IGSF6: variants seen among roughly 807,000 people sequenced by gnomAD.
The protein encoded by IGSF6 is immunoglobulin superfamily member 6.
In IGSF6, 23 loss-of-function variants were observed where a neutral mutation model predicts 24.7. That is an observed-to-expected ratio of 0.93 (90% CI 0.67 to 1.32). IGSF6 has a LOEUF of 1.32. IGSF6 is among the 40% of genes most tolerant of loss of function. The pLI, the probability that IGSF6 is intolerant of heterozygous loss-of-function variation, is 0.00. For synonymous variants in IGSF6, 110 were observed against 113.7 expected (o/e 0.97, Z 0.21); for missense variants, 295 against 293.6 (o/e 1.00, Z -0.04).
chr16:21,643,633 T>C (rs771804081), intron 3 of IGSF6, 35 bp from the exon 4 acceptor site: 2 of 1,435,366 alleles, frequency 1.4e-6, no homozygotes, highest in Admixed American at 3.6e-5. Flanking sequence ...ATGAAACATT[T>C]TATGTACTCA....
In IGSF6 at chr16:21,652,603, G is replaced by A; in HGVS notation, c.-5C>T. 1.9e-6 allele frequency: 3 copies of A among 1,607,172 alleles called. No individual in the cohort carries two copies. The highest frequency in any genetic ancestry group is 2.5e-6 in the Non-Finnish European group (3 of 1,176,504). On this transcript the variant is annotated 5_prime_UTR_variant, in exon 1 of 6. Transcript: ENST00000268389. ...GCTTCTGCTCGCAGTCCCCATTTCT[G>A]TGTATGCCGGGGCGGGTTGGGGTGT...
At chr16:21,643,451 T>C in intron 4 of IGSF6, 97 bp downstream of exon 4, 1 of 791,780 alleles carries the variant, frequency 1.3e-6, no homozygotes. Context: ...TGTTTAAACT[T>C]AACATTTAAA....
intron 2 of IGSF6, 33 bp downstream of exon 2, chr16:21,647,100 A>G (rs775464475): frequency 3.8e-5 from 61 of 1,613,830 alleles, no homozygotes; most frequent in Non-Finnish European, 3.8e-5. Context: ...ACAAGATGCA[A>G]TGATGCACTG....
chr16:21,641,768 G>A (rs1966277532), intron 5 of IGSF6, among the ~76,000 whole-genome samples, 175 bp from the exon 6 acceptor site: 1 of 152,056 alleles, frequency 6.6e-6, no homozygotes, highest in African/African-American at 2.4e-5. Context: ...TAGGATGTGG[G>A]AACTGAAAAA....
chr16:21,652,462 A>G lies in IGSF6; in HGVS notation c.67+70T>C, dbSNP rs3091401. ...AAATTAATCTGAAGGAGCTTAAAAT[A>G]TAAATGCATTAGGTGAAAAATAGCA... is the stretch of plus-strand genomic sequence containing the variant. On this transcript the variant is annotated intron_variant, in intron 1 of 5. Transcript: ENST00000268389. 1,789 of 1,215,632 alleles carry G rather than the reference A, an allele frequency of 1.5e-3. 2 individuals are homozygous for G. Among genetic ancestry groups the G allele is most frequent in the Non-Finnish European group, 1.4e-3 (1,163 of 836,984 alleles). The allele number at this position is 1,215,632 out of a possible 1,614,324, so 75.3% of individuals were successfully genotyped here.
chr16:21,643,168 T>C lies in IGSF6; in HGVS notation c.586-14A>G, dbSNP rs745888169. 43 of 1,580,084 alleles carry C rather than the reference T, an allele frequency of 2.7e-5. 3 individuals are homozygous for C. The highest frequency in any genetic ancestry group is 2.6e-4 in the South Asian group (23 of 90,092). ...AGCACTCTTCTTCTATAAAGACAAATGAGAAAAAAAAATTCTCTTTTGGGA... is the reference window on the plus strand; with the variant it reads ...AGCACTCTTCTTCTATAAAGACAAACGAGAAAAAAAAATTCTCTTTTGGGA... On this transcript the variant is annotated splice_polypyrimidine_tract_variant and intron_variant, in intron 4 of 5. Coordinates refer to ENST00000268389, the MANE Select transcript of IGSF6 (RefSeq NM_005849.4).
At chr16:21,642,059 T>TG in intron 5 of IGSF6, 1 of 152,514 alleles carries the variant, frequency 6.6e-6, no homozygotes, top group Non-Finnish European at 1.5e-5. Context: ...TTTTAGCGCT[T>TG]GCTTTGGCAG....
intron 5 of IGSF6, among the ~76,000 whole-genome samples, 188 bp from the exon 6 acceptor site, chr16:21,641,781 C>CTT: frequency 6.8e-6 from 1 of 147,026 alleles, no homozygotes. Context: ...CTGAAAAATA[C>CTT]TTTTTTTTTT....
In IGSF6 at chr16:21,641,386, T is replaced by A; in HGVS notation, c.*148A>T. The A allele has an allele frequency of 2.1e-6, 1 of 475,298 alleles. No individual in the cohort carries two copies. Among genetic ancestry groups the A allele is most frequent in the Non-Finnish European group, 3.8e-6 (1 of 264,450 alleles). The allele number at this position is 475,298 out of a possible 1,614,324, so 29.4% of individuals were successfully genotyped here. On this transcript the variant is annotated 3_prime_UTR_variant, in exon 6 of 6. Coordinates refer to ENST00000268389, the MANE Select transcript of IGSF6 (RefSeq NM_005849.4). ...TTGGTAATGACTATTAGTTATAGTT[T>A]CCTTACATTCTGACATCCTTCTTTG...
Position 21,647,145 on chromosome 16 carries a change from G to A in IGSF6, c.415C>T (p.Leu139=). The stretch of plus-strand genomic sequence containing the variant: ...CTCGCTGACTGACCTCTTACCACCA[G>A]TGTGGTCCCTCCTCCTGTCTGTTTA... ...RAKQTGGGTT[L]VVREIKLLSK... is the part of the protein sequence containing the mutation. The change falls in exon 2 of 6, where the codon CTG becomes TTG. Residue 139 remains leucine, a synonymous_variant. Coordinates refer to ENST00000268389, the MANE Select transcript of IGSF6 (RefSeq NM_005849.4). 2.5e-6 allele frequency: 4 copies of A among 1,614,142 alleles called. No individual in the cohort carries two copies. The African/African-American group carries it at 5.3e-5, about 22-fold the overall frequency.
chr16:21,644,294 G>C lies in IGSF6; in HGVS notation c.530C>G (p.Ser177Cys), dbSNP rs1226556215. ...ATGCAAGAGGATTTGACTTACTTTG[G>C]AGAGGAGTATGAAGGCCACGCACAC... ...TGVCVAFILL[S>C]KSKSNPLRNK... Residue 177 changes from serine (S) to cysteine (C), a missense_variant, in exon 3 of 6, where the codon TCC becomes TGC. Coordinates refer to ENST00000268389, the MANE Select transcript of IGSF6 (RefSeq NM_005849.4). 6.2e-7 allele frequency: 1 copy of C among 1,604,252 alleles called. No individual in the cohort carries two copies. The highest frequency in any genetic ancestry group is 1.7e-5 in the Admixed American group (1 of 59,980).
At chr16:21,641,914 T>C (rs1966282773) in intron 5 of IGSF6, 1 of 192,344 alleles carries the variant, frequency 5.2e-6, no homozygotes, top group Non-Finnish European at 1.1e-5. Context: ...GAAAGAAAAA[T>C]GATTTGTAAT....
intron 1 of IGSF6, among the ~76,000 whole-genome samples, chr16:21,650,872 G>T (rs1221899681): frequency 6.6e-6 from 1 of 152,162 alleles, no homozygotes; most frequent in Non-Finnish European, 1.5e-5. Context: ...CCAATGAAAA[G>T]GTTGAAGATT....
chr16:21,647,411 T>A lies in IGSF6; in HGVS notation c.149A>T (p.Lys50Met). Residue 50 changes from lysine (K) to methionine (M), a missense_variant, in exon 2 of 6, where the codon AAG becomes ATG. Coordinates refer to ENST00000268389, the MANE Select transcript of IGSF6 (RefSeq NM_005849.4). Reference protein sequence around the residue: ...VDYTHEAVTIKCTFSATGCPS... With the variant: ...VDYTHEAVTIMCTFSATGCPS... ...GCATCCGGTTGCGGAGAAGGTACAC[T>A]TTATGGTGACGGCCTCATGAGTGTA... The A allele has an allele frequency of 6.2e-7, 1 of 1,614,044 alleles. No homozygotes were observed.
intron 5 of IGSF6, 37 bp downstream of exon 5, chr16:21,643,037 T>G (rs757353216): frequency 5.5e-5 from 77 of 1,396,540 alleles, no homozygotes; most frequent in Non-Finnish European, 7.8e-5. Context: ...GTGCTTTATA[T>G]CTGTATTTAC....
intron 2 of IGSF6, chr16:21,646,841 A>G (rs1966441754): frequency 2.3e-5 from 9 of 391,362 alleles, no homozygotes; most frequent in South Asian, 1.9e-4. Context: ...TTTTGAGTAG[A>G]GATGGGGTTT....
intron 1 of IGSF6, chr16:21,651,822 A>C (rs1487666719): frequency 6.6e-6 from 1 of 152,194 alleles, no homozygotes; most frequent in African/African-American, 2.4e-5. Context: ...AAATAATGCT[A>C]ATTAAAATAG....
chr16:21,652,605 G>T lies in IGSF6; in HGVS notation c.-7C>A, dbSNP rs762741600. The T allele has an allele frequency of 1.2e-6, 2 of 1,606,740 alleles. No homozygotes were observed. The highest frequency in any genetic ancestry group is 2.7e-5 in the African/African-American group (2 of 74,782). On this transcript the variant is annotated 5_prime_UTR_variant, in exon 1 of 6. Transcript: ENST00000268389. ...TTCTGCTCGCAGTCCCCATTTCTGTGTATGCCGGGGCGGGTTGGGGTGTGT... is the reference window on the plus strand; with the variant it reads ...TTCTGCTCGCAGTCCCCATTTCTGTTTATGCCGGGGCGGGTTGGGGTGTGT...
chr16:21,649,338 A>G (rs758436910), intron 1 of IGSF6, among the ~76,000 whole-genome samples: 4 of 152,152 alleles, frequency 2.6e-5, no homozygotes, highest in Non-Finnish European at 5.9e-5. Flanking sequence ...ACATGAGATG[A>G]GCTGGGAGCT....
Sources: allele counts gnomAD v4.1 joint callset (sites outside exome capture counted in the v4.1 genomes callset), GRCh38; gene constraint gnomAD v4.1.1; transcripts MANE v1.5; gene names NCBI Gene and HGNC (gene_info 2026-07-23, HGNC 2026-07-21).